Variants in ZC3H7A observed in about 807,000 individuals in gnomAD.
ZC3H7A encodes the protein zinc finger CCCH-type containing 7A.
In ZC3H7A, 44 loss-of-function variants were observed where a neutral mutation model predicts 125.5. That is an observed-to-expected ratio of 0.35 (90% CI 0.28 to 0.45). The LOEUF is 0.45. ZC3H7A is among the 20% of genes least tolerant of loss of function. ZC3H7A has a pLI of 1.00. For synonymous variants in ZC3H7A, 399 were observed against 391.2 expected, an observed-to-expected ratio of 1.02 and a Z score of -0.23; for missense variants, 977 against 1,170.7, an observed-to-expected ratio of 0.83 and a Z score of 2.41.
At chr16:11,753,056 G>A (rs1381476967) in intron 21 of ZC3H7A, 3 of 503,578 alleles carry the variant, frequency 6.0e-6, no homozygotes, top group African/African-American at 2.0e-5. Context: ...CGGTAAAGAG[G>A]CAATAGGAGC....
At chr16:11,778,805 C>T (rs990850296) in intron 4 of ZC3H7A, among the ~76,000 whole-genome samples, 1 of 152,156 alleles carries the variant, frequency 6.6e-6, no homozygotes, top group African/African-American at 2.4e-5. Flanking sequence ...GCTTCGCCTC[C>T]TGGGTTCAAG....
intron 16 of ZC3H7A, 88 bp downstream of exon 16, chr16:11,763,390 T>G: frequency 4.7e-5 from 64 of 1,369,040 alleles, no homozygotes; most frequent in Non-Finnish European, 6.0e-5. Context: ...ATTACAGGCA[T>G]GAGCCACCAC....
Position 11,781,553 on chromosome 16 carries a change from T to C in ZC3H7A, c.69-89A>G, listed in dbSNP as rs1175748263. On this transcript the variant is annotated intron_variant, in intron 2 of 22. Coordinates refer to ENST00000355758, the MANE Select transcript of ZC3H7A (RefSeq NM_014153.4). Reference sequence around the variant, plus strand: ...AGTCATCTTAAATCTGTGGTTCCATTAGCTTGCCACTGGTTCAAGGCATAT... The same window carrying C: ...AGTCATCTTAAATCTGTGGTTCCATCAGCTTGCCACTGGTTCAAGGCATAT... 4 of 1,378,138 alleles carry C rather than the reference T, an allele frequency of 2.9e-6. No homozygotes were observed. The African/African-American group carries it at 4.3e-5, about 15-fold the overall frequency. 85.4% of individuals were successfully genotyped at this position (1,378,138 alleles called of 1,614,324 possible). A position where few individuals can be genotyped will look rare whatever the true frequency, so the allele number is the denominator to read the frequency against.
intron 1 of ZC3H7A, among the ~76,000 whole-genome samples, chr16:11,784,460 T>C (rs1217289624): frequency 6.6e-6 from 1 of 152,244 alleles, no homozygotes; most frequent in Non-Finnish European, 1.5e-5. Flanking sequence ...AGCTCACACC[T>C]GTAATCCCAG....
intron 15 of ZC3H7A, 51 bp from the exon 16 acceptor site, chr16:11,763,710 AATATATATATATATATATATATAT>A (rs55932357): frequency 0.028 from 6,466 of 228,582 alleles, 358 homozygotes; most frequent in African/African-American, 0.088. Context: ...AGATTTTTCA[AATATATATATATATATATATATAT>A]ATATATATAT....
intron 9 of ZC3H7A, among the ~76,000 whole-genome samples, chr16:11,771,546 G>A (rs1004017960): frequency 1.3e-5 from 2 of 151,850 alleles, no homozygotes; most frequent in African/African-American, 4.8e-5. Context: ...TGTCACCCAG[G>A]CTGGAGTACA....
rs2052850265 is a variant in ZC3H7A, at chr16:11,765,987, T to A, written c.1523-302A>T. On this transcript the variant is annotated intron_variant, in intron 13 of 22. Transcript: ENST00000355758. This position sits in a 1 kb window ranked among gnomAD's most constrained non-coding sequence, Gnocchi z 4.8. ...GCCTCAAACAATGATATGCATATTA[T>A]CTGGGGATGGATCGTATCAACTCTA... is the stretch of plus-strand genomic sequence containing the variant. 6.6e-6 allele frequency among the ~76,000 whole-genome samples: 1 copy of A among 152,186 alleles called. No individual in the cohort carries two copies. The highest frequency in any genetic ancestry group is 1.5e-5 in the Non-Finnish European group (1 of 68,036).
At position 11,769,784 on chromosome 16, in the gene ZC3H7A, CTTTTTTTTTT is replaced by C. The variant is rs200241879; in HGVS notation, c.1109-699_1109-690del. Among the ~76,000 whole-genome samples the C allele has an allele frequency of 2.1e-3, 131 of 61,618 alleles. 1 individual carries two copies. Among genetic ancestry groups the C allele is most frequent in the African/African-American group, 9.6e-3 (99 of 10,272 alleles). 40.4% of individuals were successfully genotyped at this position (61,618 alleles called of 152,430 possible). A position where few individuals can be genotyped will look rare whatever the true frequency, so the allele number is the denominator to read the frequency against. ...AATCAGTAAAGTTTTCAATTGCTTT[CTTTTTTTTTT>C]TTTTTTTTTTTTTGAGAAAGGGTCT... is the stretch of plus-strand genomic sequence containing the variant. On this transcript the variant is annotated intron_variant, in intron 10 of 22. Transcript: ENST00000355758.
At position 11,765,183 on chromosome 16, in the gene ZC3H7A, A is replaced by C; in HGVS notation, c.1720-30T>G. 1 of 1,340,052 alleles carries C rather than the reference A, an allele frequency of 7.5e-7. No individual in the cohort carries two copies. Among genetic ancestry groups the C allele is most frequent in the African/African-American group, 1.5e-5 (1 of 65,884 alleles). 83.0% of individuals were successfully genotyped at this position (1,340,052 alleles called of 1,614,324 possible). A position where few individuals can be genotyped will look rare whatever the true frequency, so the allele number is the denominator to read the frequency against. On this transcript the variant is annotated intron_variant, in intron 14 of 22. Transcript: ENST00000355758. This position sits in a 1 kb window ranked among gnomAD's most constrained non-coding sequence, Gnocchi z 4.8. ...AATAGAGAGAGAAAGATTATCAAAA[A>C]AAATACAAAATATAAATTTTGTACC...
rs561899308 is a variant in ZC3H7A at position 11,763,809 on chromosome 16, CT to C, written c.1821-151del. The C allele has an allele frequency of 5.3e-3, 876 of 163,792 alleles. 1 individual carries two copies. Among genetic ancestry groups the C allele is most frequent in the East Asian group, 8.0e-3 (44 of 5,498 alleles). 10.1% of individuals were successfully genotyped at this position (163,792 alleles called of 1,614,324 possible). ...CAATACATTTAAAATTTTTTTTTCT[CT>C]TTTTTTTTTTTGAGATGGAGTCTCA... On this transcript the variant is annotated intron_variant, in intron 15 of 22. Transcript: ENST00000355758.
chr16:11,753,119 G>A, intron 21 of ZC3H7A: 1 of 333,102 alleles, frequency 3.0e-6, no homozygotes, highest in East Asian at 6.0e-5. Context: ...GTACAAACAA[G>A]GATTCAGGGA....
At chr16:11,779,949 G>T (rs531919566) in intron 3 of ZC3H7A, among the ~76,000 whole-genome samples, 3 of 151,628 alleles carry the variant, frequency 2.0e-5, no homozygotes, top group East Asian at 3.9e-4. Flanking sequence ...ACATTTTTAC[G>T]GACCCCTTGT....
rs200820758 is a variant in ZC3H7A, at chr16:11,776,549, T to C, written c.466-17A>G. On this transcript the variant is annotated splice_polypyrimidine_tract_variant and intron_variant, in intron 5 of 22. Transcript: ENST00000355758. ...ATGCTCATCCTGAAAAAAATAAGTA[T>C]GTATAATTAACAGGGTTATATTTAC... The C allele has an allele frequency of 8.6e-5, 137 of 1,593,842 alleles. No individual in the cohort carries two copies. The African/African-American group carries it at 1.4e-3, about 17-fold the overall frequency.
chr16:11,776,735 A>G lies in ZC3H7A; in HGVS notation c.465+16T>C, dbSNP rs1567387033. The G allele has an allele frequency of 1.3e-6, 2 of 1,581,588 alleles. No homozygotes were observed. The highest frequency in any genetic ancestry group is 2.2e-5 in the East Asian group (1 of 44,642). On this transcript the variant is annotated intron_variant, in intron 5 of 22. Transcript: ENST00000355758. Reference sequence around the variant, plus strand: ...AAATGGTTACGATGTAAACAAATAAACTATAAATTCCATACCTGAGGCACT... The same window carrying G: ...AAATGGTTACGATGTAAACAAATAAGCTATAAATTCCATACCTGAGGCACT...
intron 1 of ZC3H7A, among the ~76,000 whole-genome samples, chr16:11,784,854 C>CA (rs536349199): frequency 0.12 from 7,010 of 59,716 alleles, 365 homozygotes; most frequent in Middle Eastern, 0.21. Context: ...CACTCCATCT[C>CA]AAAAAAAAAA....
intron 1 of ZC3H7A, among the ~76,000 whole-genome samples, chr16:11,789,018 ACACAGGCACG>A: frequency 6.6e-6 from 1 of 152,294 alleles, no homozygotes; most frequent in Admixed American, 6.5e-5. Context: ...ACACATACAC[ACACAGGCACG>A]CACAACCACA....
rs973601769 is a variant in ZC3H7A at position 11,781,303 on chromosome 16, T to A, written c.108+122A>T. 11 of 823,648 alleles carry A rather than the reference T, an allele frequency of 1.3e-5. No homozygotes were observed. In the Admixed American group the frequency reaches 2.0e-4, roughly 15 times the overall value. The allele number at this position is 823,648 out of a possible 1,614,324, so 51.0% of individuals were successfully genotyped here. On this transcript the variant is annotated intron_variant, in intron 3 of 22. Coordinates refer to ENST00000355758, the MANE Select transcript of ZC3H7A (RefSeq NM_014153.4). Reference sequence around the variant, plus strand: ...TGCAAAAAAATAAAATAAAATAAAATAAAATAAAAGGACAGCAGGCCAGAT... The same window carrying A: ...TGCAAAAAAATAAAATAAAATAAAAAAAAATAAAAGGACAGCAGGCCAGAT...
At chr16:11,785,575 GAA>G (rs113900711) in intron 1 of ZC3H7A, among the ~76,000 whole-genome samples, 2 of 142,814 alleles carry the variant, frequency 1.4e-5, no homozygotes, top group African/African-American at 2.6e-5. Context: ...GAAATTATAG[GAA>G]AAAAAAAAAA....
intron 1 of ZC3H7A, among the ~76,000 whole-genome samples, chr16:11,789,517 G>A (rs72782730): frequency 0.18 from 27,710 of 152,054 alleles, 3,210 homozygotes; most frequent in East Asian, 0.48. Context: ...GCCTCCCAAA[G>A]TGCTGGAATA....
Sources: gnomAD v4.1 joint callset for allele counts (sites outside exome capture counted in the v4.1 genomes callset) on GRCh38, gnomAD v4.1.1 for gene constraint, Gnocchi (gnomAD v3.1) non-coding constraint, MANE v1.5 for transcripts, NCBI Gene and HGNC (gene_info 2026-07-23, HGNC 2026-07-21) for gene names.